Variants in EFCAB13 observed in about 807,000 individuals in gnomAD.
EFCAB13 encodes EF-hand calcium binding domain 13, also known as EF-hand calcium-binding domain-containing protein 13.
A neutral mutation model predicts 110.2 loss-of-function variants in EFCAB13; 91 were observed. The ratio of observed to expected loss-of-function variants is 0.83; its 90% confidence interval spans 0.70 to 0.98. The LOEUF is 0.98. Ranked by LOEUF, EFCAB13 falls within the 50% of genes least tolerant of loss-of-function variation. The probability of loss-of-function intolerance (pLI) is 0.00; values close to 1 mark genes in which losing one functional copy is unlikely to be tolerated. For missense variants in EFCAB13, 968 were observed against 1,119.4 expected (o/e 0.86, Z 1.93); for synonymous variants, 323 against 369.9 (o/e 0.87, Z 1.45).
intron 23 of EFCAB13, chr17:47,423,573 C>T: frequency 3.1e-6 from 1 of 325,002 alleles, no homozygotes; most frequent in Non-Finnish European, 5.6e-6. Flanking sequence ...GAGGGAACGC[C>T]TTTGTGCCCG....
At chr17:47,403,257 A>G (rs760859840) in intron 18 of EFCAB13, among the ~76,000 whole-genome samples, 2 of 152,192 alleles carry the variant, frequency 1.3e-5, no homozygotes, top group East Asian at 1.9e-4. Context: ...TATCTTAAGT[A>G]CTTTTTATAC....
At chr17:47,391,719 T>G in intron 15 of EFCAB13, 139 bp downstream of exon 15, 1 of 710,216 alleles carries the variant, frequency 1.4e-6, no homozygotes, top group Admixed American at 4.2e-5. Flanking sequence ...ATGGAAATAC[T>G]CAAAAGTACA....
At chr17:47,331,497 A>G (rs893022631) in intron 4 of EFCAB13, among the ~76,000 whole-genome samples, 36 of 152,094 alleles carry the variant, frequency 2.4e-4, no homozygotes, top group African/African-American at 8.7e-4. Context: ...TACTGCCCCT[A>G]TACATGCACA....
intron 9 of EFCAB13, among the ~76,000 whole-genome samples, chr17:47,359,031 G>T (rs2065495594): frequency 6.6e-6 from 1 of 152,110 alleles, no homozygotes; most frequent in South Asian, 2.1e-4. Context: ...TTGTTCACTT[G>T]ATCAATAATG....
intron 12 of EFCAB13, 55 bp from the exon 13 acceptor site, chr17:47,377,711 G>C: frequency 7.0e-7 from 1 of 1,435,518 alleles, no homozygotes; most frequent in South Asian, 1.5e-5. Context: ...GAGTATTATT[G>C]CTTTTGACAC....
At position 47,404,555 on chromosome 17, in the gene EFCAB13, C is replaced by T; in HGVS notation, c.2162-7C>T. On this transcript the variant is annotated splice_region_variant and splice_polypyrimidine_tract_variant and intron_variant, in intron 19 of 24. Transcript: ENST00000331493. ...TCTTGTTTGTCATCTCTCTCTTTTC[C>T]TTGCAGAAGATAACATGGTGAACAT... 6.2e-7 allele frequency: 1 copy of T among 1,608,752 alleles called. No individual in the cohort carries two copies. The highest frequency in any genetic ancestry group is 8.5e-7 in the Non-Finnish European group (1 of 1,177,576).
intron 14 of EFCAB13, among the ~76,000 whole-genome samples, chr17:47,382,380 C>T (rs953447047): frequency 1.3e-5 from 2 of 152,170 alleles, no homozygotes; most frequent in African/African-American, 4.8e-5. Context: ...GTGGGGAGAA[C>T]TTCCAATACT....
At chr17:47,432,403 T>TA (rs1353443817) in intron 24 of EFCAB13, among the ~76,000 whole-genome samples, 1 of 122,806 alleles carries the variant, frequency 8.1e-6, no homozygotes. Flanking sequence ...ATCTCAAAAA[T>TA]AAATAAATAA....
rs542370442 is a variant in EFCAB13, at chr17:47,335,699, A to G, written c.191+343A>G. On this transcript the variant is annotated intron_variant, in intron 5 of 24. Transcript: ENST00000331493. The stretch of plus-strand genomic sequence containing the variant: ...AGCGAGGCTGGGGAAGCCTCAGGAA[A>G]CTTAGAATCATGGTGGAAGGGGAAG... Among the ~76,000 whole-genome samples the G allele has an allele frequency of 8.5e-5, 13 of 152,284 alleles. No individual in the cohort carries two copies. In the East Asian group the frequency reaches 2.5e-3, roughly 29 times the overall value.
chr17:47,327,599 C>T (rs996873409), intron 3 of EFCAB13, among the ~76,000 whole-genome samples: 3 of 152,090 alleles, frequency 2.0e-5, no homozygotes, highest in African/African-American at 4.8e-5. Flanking sequence ...GGATTATAGG[C>T]GCATGCCACC....
chr17:47,406,790 A>G (rs1310191482), intron 20 of EFCAB13, among the ~76,000 whole-genome samples: 1 of 152,184 alleles, frequency 6.6e-6, no homozygotes, highest in Non-Finnish European at 1.5e-5. Context: ...AGAAATGTCA[A>G]GATAACTCAC....
intron 10 of EFCAB13, among the ~76,000 whole-genome samples, chr17:47,364,061 C>T (rs776916686): frequency 2.8e-4 from 43 of 152,226 alleles, no homozygotes; most frequent in South Asian, 6.2e-4. Flanking sequence ...CTCCAGGTCT[C>T]CTGCTTTATT....
At chr17:47,384,995 T>C (rs2065668580) in intron 14 of EFCAB13, among the ~76,000 whole-genome samples, 1 of 152,122 alleles carries the variant, frequency 6.6e-6, no homozygotes, top group Non-Finnish European at 1.5e-5. Flanking sequence ...ATGGTCTCGA[T>C]CTCCTGACCT....
chr17:47,430,903 A>G (rs1266077637), intron 24 of EFCAB13, among the ~76,000 whole-genome samples: 1 of 152,096 alleles, frequency 6.6e-6, no homozygotes, highest in Non-Finnish European at 1.5e-5. Flanking sequence ...TATAATGTCT[A>G]TACTTGATCT....
At chr17:47,402,996 C>T (rs1233513399) in intron 18 of EFCAB13, among the ~76,000 whole-genome samples, 1 of 152,124 alleles carries the variant, frequency 6.6e-6, no homozygotes, top group African/African-American at 2.4e-5. Context: ...TGCAAAGAAA[C>T]TGTTTTTGAA....
At position 47,423,630 on chromosome 17, in the gene EFCAB13, C is replaced by A. The variant is rs1904806360; in HGVS notation, c.2495-6188C>A. The A allele has an allele frequency of 1.6e-5, 6 of 368,762 alleles. No individual in the cohort carries two copies. The South Asian group carries it at 8.8e-4, about 54-fold the overall frequency. 22.8% of individuals were successfully genotyped at this position (368,762 alleles called of 1,614,324 possible). A position where few individuals can be genotyped will look rare whatever the true frequency, so the allele number is the denominator to read the frequency against. On this transcript the variant is annotated intron_variant, in intron 23 of 24. Coordinates refer to ENST00000331493, the MANE Select transcript of EFCAB13 (RefSeq NM_152347.5). ...CGCCGCGCGCCCCGGTCCATTGTTT[C>A]GCTTCTCTGGGTTCCAGGTAGGTGC...
At position 47,335,211 on chromosome 17, in the gene EFCAB13, G is replaced by T; in HGVS notation, c.46G>T (p.Asp16Tyr). The T allele has an allele frequency of 1.2e-6, 2 of 1,602,472 alleles. No individual in the cohort carries two copies. The highest frequency in any genetic ancestry group is 2.3e-5 in the South Asian group (2 of 87,638). ...TATTCCCCAGGCAGAGGAAAATATTGACTTATTAGATGATGGCTCTAATTC... is the reference window on the plus strand; with the variant it reads ...TATTCCCCAGGCAGAGGAAAATATTTACTTATTAGATGATGGCTCTAATTC... The part of the protein sequence containing the change: ...HLFCQAEENI[D>Y]LLDDGSNSFA... The change falls in exon 5 of 25, where the codon GAC becomes TAC. Residue 16 changes from aspartate to tyrosine, a missense_variant. Physicochemically the swap from Asp to Tyr is radical, Grantham distance 160 (BLOSUM62 -3). Transcript: ENST00000331493.
chr17:47,373,044 T>C (rs1191643561), intron 11 of EFCAB13, among the ~76,000 whole-genome samples: 1 of 152,176 alleles, frequency 6.6e-6, no homozygotes, highest in African/African-American at 2.4e-5. Flanking sequence ...TAAACTCTTA[T>C]AACTTGACTA....
At chr17:47,392,137 C>T (rs981241592) in intron 15 of EFCAB13, among the ~76,000 whole-genome samples, 15 of 151,964 alleles carry the variant, frequency 9.9e-5, no homozygotes, top group African/African-American at 2.9e-4. Flanking sequence ...GAACATATTA[C>T]ACTATTCTAT....
Sources: allele counts gnomAD v4.1 joint callset (sites outside exome capture counted in the v4.1 genomes callset), GRCh38; gene constraint gnomAD v4.1.1; transcripts MANE v1.5; gene names NCBI Gene and HGNC (gene_info 2026-07-23, HGNC 2026-07-21).